Variants in NFIL3 observed in about 807,000 individuals in gnomAD.
NFIL3 encodes the protein nuclear factor interleukin-3-regulated protein.
A neutral mutation model predicts 10.0 loss-of-function variants in NFIL3; 5 were observed. The ratio of observed to expected loss-of-function variants is 0.50; its 90% CI spans 0.26 to 1.06. The LOEUF (loss-of-function observed/expected upper bound fraction) is 1.06, where lower values mean the gene tolerates loss of function less well. Ranked by LOEUF, NFIL3 falls within the 50% of genes least tolerant of loss-of-function variation. The pLI is 0.13. For synonymous variants in NFIL3, 202 were observed against 206.5 expected (o/e 0.98, Z 0.19); for missense variants, 436 against 547.6 (o/e 0.80, Z 2.03).
chr9:91,481,951 A>G, the NFIL3 span, among the ~76,000 whole-genome samples: 4 of 152,258 alleles, frequency 2.6e-5, no homozygotes, highest in African/African-American at 9.6e-5. Context: ...AATTTTAAGA[A>G]ATAGTAAGAT....
Position 91,410,237 on chromosome 9 carries a change from G to A in NFIL3, c.498C>T (p.His166=), listed in dbSNP as rs201891941. Residue 166 remains histidine (H), a synonymous_variant, in exon 2 of 2, where the codon CAC becomes CAT. Transcript: ENST00000297689. This position sits in a 1 kb window ranked among gnomAD's most constrained non-coding sequence, Gnocchi z 5.7. ...AACTACTTGACACCATCGAGGGTTC[G>A]TGCTCGTCCACAAATGAACTCACAT... The part of the protein sequence containing the change: ...KSNVSSFVDE[H]EPSMVSSSCI... 1.4e-5 allele frequency: 22 copies of A among 1,614,170 alleles called. No individual in the cohort carries two copies. Among genetic ancestry groups the A allele is most frequent in the Middle Eastern group, 1.6e-4 (1 of 6,062 alleles).
chr9:91,468,677 C>T, the NFIL3 span, among the ~76,000 whole-genome samples: 2 of 152,158 alleles, frequency 1.3e-5, no homozygotes, highest in African/African-American at 4.8e-5. Flanking sequence ...TTGGGTCTAA[C>T]ATTTAAGTCT....
the NFIL3 span, among the ~76,000 whole-genome samples, chr9:91,449,447 A>C: frequency 1.6e-4 from 24 of 152,148 alleles, no homozygotes; most frequent in African/African-American, 5.8e-4. Context: ...CCTTTTCTGC[A>C]TTACATTTTG....
At chr9:91,439,017 A>T in the NFIL3 span, among the ~76,000 whole-genome samples, 1 of 152,190 alleles carries the variant, frequency 6.6e-6, no homozygotes, top group Non-Finnish European at 1.5e-5. Flanking sequence ...TTGTCGTTCC[A>T]TATGAATTTC....
At chr9:91,479,895 G>C in the NFIL3 span, among the ~76,000 whole-genome samples, 2 of 152,150 alleles carry the variant, frequency 1.3e-5, no homozygotes, top group African/African-American at 2.4e-5. Context: ...GGCTTCCCTT[G>C]GTTAGGGGAG....
At chr9:91,413,499 C>T (rs1481717007) in intron 1 of NFIL3, among the ~76,000 whole-genome samples, 1 of 152,208 alleles carries the variant, frequency 6.6e-6, no homozygotes, top group Admixed American at 6.5e-5. Flanking sequence ...GATTTGCCTG[C>T]CTCGGACTCC....
At chr9:91,464,205 C>A in the NFIL3 span, among the ~76,000 whole-genome samples, 1 of 151,298 alleles carries the variant, frequency 6.6e-6, no homozygotes, top group Non-Finnish European at 1.5e-5. Context: ...GTATTTTTTT[C>A]TTTGTTTCTC....
chr9:91,480,966 A>T, the NFIL3 span, among the ~76,000 whole-genome samples: 1 of 152,214 alleles, frequency 6.6e-6, no homozygotes, highest in Admixed American at 6.5e-5. Context: ...GCAGAGGGTG[A>T]CCTTAAAAGA....
chr9:91,420,642 G>A (rs1833744971), intron 1 of NFIL3, among the ~76,000 whole-genome samples: 1 of 152,196 alleles, frequency 6.6e-6, no homozygotes, highest in Non-Finnish European at 1.5e-5. Flanking sequence ...ATTAGGGATA[G>A]CGGTGTAGGG....
At chr9:91,445,856 CA>C in the NFIL3 span, among the ~76,000 whole-genome samples, 2 of 152,014 alleles carry the variant, frequency 1.3e-5, no homozygotes, top group Non-Finnish European at 2.9e-5. Flanking sequence ...TAGCTTAGCT[CA>C]GGGGTAGGTT....
intron 1 of NFIL3, among the ~76,000 whole-genome samples, chr9:91,418,448 G>C (rs7026091): frequency 6.6e-6 from 1 of 152,112 alleles, no homozygotes; most frequent in East Asian, 1.9e-4. Flanking sequence ...GTGGGCTAAG[G>C]GGACAGTCAG....
the NFIL3 span, among the ~76,000 whole-genome samples, chr9:91,451,437 T>G: frequency 6.6e-6 from 1 of 152,228 alleles, no homozygotes; most frequent in Non-Finnish European, 1.5e-5. Context: ...TACCACATTT[T>G]GGCTTGTTAA....
chr9:91,423,438 T>C (rs1007033538), intron 1 of NFIL3, among the ~76,000 whole-genome samples: 8 of 152,108 alleles, frequency 5.3e-5, no homozygotes, highest in African/African-American at 1.9e-4. Flanking sequence ...AGCAGCCACC[T>C]TAAGGTGGCG....
chr9:91,425,541 C>T (rs373995486), upstream of NFIL3, among the ~76,000 whole-genome samples: 1 of 152,230 alleles, frequency 6.6e-6, no homozygotes, highest in Non-Finnish European at 1.5e-5. Flanking sequence ...CTTCCCGGTG[C>T]TGACTAATGC....
chr9:91,464,086 A>C, the NFIL3 span, among the ~76,000 whole-genome samples: 4 of 151,890 alleles, frequency 2.6e-5, no homozygotes, highest in South Asian at 8.3e-4. Context: ...CTTTTTATTA[A>C]CCCTCACCAA....
the NFIL3 span, among the ~76,000 whole-genome samples, chr9:91,477,406 C>T: frequency 6.6e-6 from 1 of 152,278 alleles, no homozygotes; most frequent in East Asian, 1.9e-4. Flanking sequence ...GTTAGGTCAG[C>T]CCAGATAATC....
chr9:91,413,648 G>A (rs1191859819), intron 1 of NFIL3, among the ~76,000 whole-genome samples: 1 of 152,158 alleles, frequency 6.6e-6, no homozygotes, highest in African/African-American at 2.4e-5. Context: ...CTCTGTTGAA[G>A]TCTGCACTCT....
At chr9:91,424,313 C>T (rs918585528), upstream of NFIL3, among the ~76,000 whole-genome samples, 1 of 152,212 alleles carries the variant, frequency 6.6e-6, no homozygotes, top group Non-Finnish European at 1.5e-5. Flanking sequence ...TGCTGGGCTA[C>T]CTGTTGCCGA....
At chr9:91,443,371 C>T in the NFIL3 span, among the ~76,000 whole-genome samples, 2 of 152,202 alleles carry the variant, frequency 1.3e-5, no homozygotes, top group Non-Finnish European at 2.9e-5. Context: ...GGGAACAGCC[C>T]CTTTCTGCCC....
Sources: allele counts gnomAD v4.1 joint callset (sites outside exome capture counted in the v4.1 genomes callset), GRCh38; gene constraint gnomAD v4.1.1; non-coding constraint Gnocchi (gnomAD v3.1); transcripts MANE v1.5; gene names NCBI Gene and HGNC (gene_info 2026-07-23, HGNC 2026-07-21).